ADAMTSL1: variants seen among roughly 807,000 people sequenced by gnomAD.
ADAMTSL1 encodes ADAMTS like 1.
A neutral mutation model predicts 201.8 loss-of-function variants in ADAMTSL1; 126 were observed. The ratio of observed to expected loss-of-function variants is 0.62; its 90% CI spans 0.54 to 0.72. ADAMTSL1 has a LOEUF of 0.72. ADAMTSL1 is among the 30% of genes least tolerant of loss of function. The pLI, the probability that ADAMTSL1 is intolerant of heterozygous loss-of-function variation, is 0.00. For synonymous variants in ADAMTSL1, 1,121 were observed against 903.4 expected (o/e 1.24, Z -4.32); for missense variants, 2,679 against 2,277.8 (o/e 1.18, Z -3.59).
chr9:18,858,368 T>C (rs10963811), intron 23 of ADAMTSL1, among the ~76,000 whole-genome samples: 73,381 of 151,884 alleles, frequency 0.48, 18,888 homozygotes, highest in South Asian at 0.59. Flanking sequence ...GCACCCCTGG[T>C]TTAGATGCCC....
chr9:18,881,916 G>C (rs761916742), intron 23 of ADAMTSL1, among the ~76,000 whole-genome samples: 3 of 152,170 alleles, frequency 2.0e-5, no homozygotes, highest in Non-Finnish European at 4.4e-5. Flanking sequence ...AGCAGGCTGG[G>C]AGGCCCTGGG....
intron 1 of ADAMTSL1, among the ~76,000 whole-genome samples, chr9:18,106,653 G>A (rs770119286): frequency 2.6e-5 from 4 of 152,170 alleles, no homozygotes; most frequent in South Asian, 2.1e-4. Flanking sequence ...TGGAATCTAC[G>A]TAATCTCTTC....
At chr9:18,498,178 A>G (rs988014213) in intron 1 of ADAMTSL1, among the ~76,000 whole-genome samples, 1 of 152,030 alleles carries the variant, frequency 6.6e-6, no homozygotes, top group Non-Finnish European at 1.5e-5. Flanking sequence ...CTAGATATTA[A>G]CTATGTGACA....
chr9:17,940,807 C>CCG lies in ADAMTSL1; in HGVS notation c.87+33886_87+33887insGC, dbSNP rs1554667539. On this transcript the variant is annotated intron_variant, in intron 1 of 29. Coordinates refer to the ADAMTSL1 transcript ENST00000680146. ...TAAAAATAAAAGTAAATAACACCCC[C>CCG]CCCCCAAAAAAAAGAAAGAAATAAC... Among the ~76,000 whole-genome samples the CCG allele has an allele frequency of 4.8e-5, 3 of 61,962 alleles. 1 individual carries two copies. Among genetic ancestry groups the CCG allele is most frequent in the Admixed American group, 3.6e-4 (2 of 5,482 alleles). The allele number at this position is 61,962 out of a possible 152,430, so 40.6% of individuals were successfully genotyped here.
intron 20 of ADAMTSL1, among the ~76,000 whole-genome samples, chr9:18,803,996 G>A (rs911243749): frequency 6.6e-6 from 1 of 152,132 alleles, no homozygotes; most frequent in African/African-American, 2.4e-5. Context: ...TAAGATTCTA[G>A]GGAAAGTTTT....
Position 18,574,226 on chromosome 9 carries a change from A to G in ADAMTSL1, c.434A>G (p.Tyr145Cys). 1.2e-6 allele frequency: 2 copies of G among 1,614,168 alleles called. No homozygotes were observed. The highest frequency in any genetic ancestry group is 1.7e-6 in the Non-Finnish European group (2 of 1,180,024). ...APKVLDGTRC[Y>C]TESLDMCISG... is the part of the protein sequence containing the mutation. ...AAGGTCTTAGATGGTACGCGTTGCT[A>G]TACAGAATCTTTGGATATGTGCATC... is the stretch of plus-strand genomic sequence containing the variant. The change falls in exon 4 of 29, where the codon TAT becomes TGT. Residue 145 changes from tyrosine to cysteine, a missense_variant. By Grantham distance (194) the Tyr-to-Cys change is radical. Coordinates refer to ENST00000380548, the MANE Select transcript of ADAMTSL1 (RefSeq NM_001040272.6).
intron 2 of ADAMTSL1, among the ~76,000 whole-genome samples, chr9:18,276,099 G>A (rs1832576543): frequency 6.6e-6 from 1 of 151,908 alleles, no homozygotes; most frequent in Admixed American, 6.6e-5. Flanking sequence ...CAGTGGTTGT[G>A]TACTGATACC....
chr9:17,943,087 A>T (rs1020729133), intron 1 of ADAMTSL1, among the ~76,000 whole-genome samples: 2 of 151,848 alleles, frequency 1.3e-5, no homozygotes, highest in African/African-American at 4.8e-5. Context: ...ATGCCAGGCT[A>T]ATTTCTTTCT....
At chr9:18,439,586 C>T (rs781213236) in intron 2 of ADAMTSL1, among the ~76,000 whole-genome samples, 1 of 152,142 alleles carries the variant, frequency 6.6e-6, no homozygotes, top group Non-Finnish European at 1.5e-5. Context: ...AGGATGGTCT[C>T]GATCTCCTGA....
At chr9:18,127,641 A>C (rs964998314) in intron 1 of ADAMTSL1, among the ~76,000 whole-genome samples, 7 of 152,294 alleles carry the variant, frequency 4.6e-5, no homozygotes, top group African/African-American at 1.7e-4. Flanking sequence ...CTGCATGTGG[A>C]AAGTTTTCAC....
Position 18,795,393 on chromosome 9 carries a change from C to G in ADAMTSL1, c.3678-4C>G. ...AGGTCTATATTTCTTTTCTGTCGCT[C>G]CAGGATTCTTCTACAGCCAGATGAT... On this transcript the variant is annotated splice_polypyrimidine_tract_variant and splice_region_variant and intron_variant, in intron 19 of 28. Coordinates refer to ENST00000380548, the MANE Select transcript of ADAMTSL1 (RefSeq NM_001040272.6). 1 of 1,613,746 alleles carries G rather than the reference C, an allele frequency of 6.2e-7. No homozygotes were observed. The highest frequency in any genetic ancestry group is 8.5e-7 in the Non-Finnish European group (1 of 1,179,772).
intron 3 of ADAMTSL1, among the ~76,000 whole-genome samples, chr9:18,572,967 G>A (rs1224716396): frequency 1.3e-5 from 2 of 152,098 alleles, no homozygotes; most frequent in Non-Finnish European, 2.9e-5. Flanking sequence ...CTATCAAAAA[G>A]CCCTTCCAAG....
chr9:18,895,586 A>G (rs1829579770), intron 26 of ADAMTSL1, among the ~76,000 whole-genome samples: 1 of 152,246 alleles, frequency 6.6e-6, no homozygotes, highest in Non-Finnish European at 1.5e-5. Context: ...TCCCAAGGAC[A>G]GCCTTGAGTG....
At chr9:18,367,658 A>C (rs1836831415) in intron 2 of ADAMTSL1, among the ~76,000 whole-genome samples, 1 of 152,124 alleles carries the variant, frequency 6.6e-6, no homozygotes, top group Non-Finnish European at 1.5e-5. Context: ...CCCTCAAAAT[A>C]ACTTTATGAG....
chr9:18,249,351 C>G (rs1350936483), intron 2 of ADAMTSL1, among the ~76,000 whole-genome samples: 1 of 152,114 alleles, frequency 6.6e-6, no homozygotes, highest in Non-Finnish European at 1.5e-5. Context: ...TTACCTAAGT[C>G]TATAGAAAGT....
At chr9:18,805,535 T>C (rs903390900) in intron 20 of ADAMTSL1, among the ~76,000 whole-genome samples, 2 of 152,238 alleles carry the variant, frequency 1.3e-5, no homozygotes, top group African/African-American at 4.8e-5. Context: ...CAGCTTTGCA[T>C]GCATCCATTT....
chr9:18,546,381 A>G (rs983937510), intron 3 of ADAMTSL1, among the ~76,000 whole-genome samples: 1 of 152,072 alleles, frequency 6.6e-6, no homozygotes, highest in Non-Finnish European at 1.5e-5. Flanking sequence ...GTACAATCAC[A>G]GCTCACTATA....
chr9:18,275,462 C>T (rs1587448172), intron 2 of ADAMTSL1, among the ~76,000 whole-genome samples: 1 of 152,200 alleles, frequency 6.6e-6, no homozygotes, highest in South Asian at 2.1e-4. Context: ...AGTTTCAGAA[C>T]AATTTCATCA....
At chr9:18,215,078 T>G (rs1830013444) in intron 2 of ADAMTSL1, among the ~76,000 whole-genome samples, 2 of 152,328 alleles carry the variant, frequency 1.3e-5, no homozygotes, top group South Asian at 4.1e-4. Context: ...GGGCAGAAGT[T>G]GAATGAGATG....
Sources: allele counts gnomAD v4.1 joint callset (sites outside exome capture counted in the v4.1 genomes callset), GRCh38; gene constraint gnomAD v4.1.1; transcripts MANE v1.5; gene names NCBI Gene and HGNC (gene_info 2026-07-23, HGNC 2026-07-21).